PPM1F: variants seen among roughly 807,000 people sequenced by gnomAD.
PPM1F encodes the protein protein phosphatase 1F.
Under a neutral mutation model 35.5 loss-of-function variants are expected in PPM1F, and 17 were observed. That is an observed-to-expected ratio of 0.48 (90% CI 0.33 to 0.72). The LOEUF (loss-of-function observed/expected upper bound fraction) is 0.72, where lower values mean the gene tolerates loss of function less well. PPM1F is among the 30% of genes least tolerant of loss of function. The probability of loss-of-function intolerance (pLI) is 0.02; values close to 1 mark genes in which losing one functional copy is unlikely to be tolerated. For synonymous variants in PPM1F, 241 were observed against 255.5 expected, an observed-to-expected ratio of 0.94 and a Z score of 0.54; for missense variants, 521 against 613.0, an observed-to-expected ratio of 0.85 and a Z score of 1.59.
At position 21,933,420 on chromosome 22, in the gene PPM1F, G is replaced by C; in HGVS notation, c.718C>G (p.Gln240Glu). The C allele has an allele frequency of 6.2e-7, 1 of 1,612,012 alleles. No individual in the cohort carries two copies. Among genetic ancestry groups the C allele is most frequent in the Non-Finnish European group, 8.5e-7 (1 of 1,179,776 alleles). The change falls in exon 5 of 8, where the codon CAG becomes GAG. Residue 240 changes from glutamine to glutamate, a missense_variant. Physicochemically the swap from Gln to Glu is conservative, Grantham distance 29. Coordinates refer to ENST00000263212, the MANE Select transcript of PPM1F (RefSeq NM_014634.4). ...CGCTTGGCTTTCCTGAGAAACATCT[G>C]GTCGGTGCGCCGGAAGGCTTCTCTG... ...ALREAFRRTD[Q>E]MFLRKAKRER...
At chr22:21,951,352 T>G (rs1221266758) in intron 1 of PPM1F, 1 of 69,596 alleles carries the variant, frequency 1.4e-5, no homozygotes, top group East Asian at 4.3e-4. Context: ...TGGTATCCTT[T>G]TTTTTTTTTT....
rs1229812032 is a variant in PPM1F at position 21,922,911 on chromosome 22, G to C, written c.*181C>G. ...CCTTCCACCATCTGCCCGCCACCCAGTGCAGTTCCACAGCCACCAGGACGG... is the reference window on the plus strand; with the variant it reads ...CCTTCCACCATCTGCCCGCCACCCACTGCAGTTCCACAGCCACCAGGACGG... On this transcript the variant is annotated 3_prime_UTR_variant, in exon 8 of 8. Coordinates refer to ENST00000263212, the MANE Select transcript of PPM1F (RefSeq NM_014634.4). 1 of 763,202 alleles carries C rather than the reference G, an allele frequency of 1.3e-6. No individual in the cohort carries two copies. The highest frequency in any genetic ancestry group is 2.1e-6 in the Non-Finnish European group (1 of 466,906). The allele number at this position is 763,202 out of a possible 1,614,324, so 47.3% of individuals were successfully genotyped here.
In PPM1F at chr22:21,939,229, A is replaced by G. The variant is rs2070697460; in HGVS notation, c.355+303T>C. 1 of 376,624 alleles carries G rather than the reference A, an allele frequency of 2.7e-6. No homozygotes were observed. Among genetic ancestry groups the G allele is most frequent in the African/African-American group, 2.1e-5 (1 of 48,494 alleles). The allele number at this position is 376,624 out of a possible 1,614,324, so 23.3% of individuals were successfully genotyped here. ...CCTGTGAGATCCTCTGTGAAACGGGATAAGCATCTTTAATTTCCTGGGCTG... is the reference window on the plus strand; with the variant it reads ...CCTGTGAGATCCTCTGTGAAACGGGGTAAGCATCTTTAATTTCCTGGGCTG... On this transcript the variant is annotated intron_variant, in intron 3 of 7. Coordinates refer to ENST00000263212, the MANE Select transcript of PPM1F (RefSeq NM_014634.4). This position sits in a 1 kb window ranked among gnomAD's most constrained non-coding sequence, Gnocchi z 5.1.
At chr22:21,940,170 GTC>G (rs1340455138) in intron 2 of PPM1F, among the ~76,000 whole-genome samples, 4 of 152,138 alleles carry the variant, frequency 2.6e-5, no homozygotes, top group African/African-American at 9.7e-5. Flanking sequence ...AATGACTGAT[GTC>G]TCTATGAAAA....
chr22:21,941,651 G>A (rs2070726613), intron 2 of PPM1F: 2 of 152,434 alleles, frequency 1.3e-5, no homozygotes, highest in South Asian at 4.1e-4. Flanking sequence ...AGCAAAGTGG[G>A]GATGACTCCA....
rs183754287 is a variant in PPM1F, at chr22:21,925,796, G to A, written c.892-134C>T. Reference sequence around the variant, plus strand: ...AGCCGCAGCACTGGAACAAAGCCAGGAGGCTCAGAGATGCACCCAAACGAG... The same window carrying A: ...AGCCGCAGCACTGGAACAAAGCCAGAAGGCTCAGAGATGCACCCAAACGAG... On this transcript the variant is annotated intron_variant, in intron 6 of 7. Transcript: ENST00000263212. The A allele has an allele frequency of 8.2e-4, 504 of 613,394 alleles. No individual in the cohort carries two copies. In the African/African-American group the frequency reaches 8.5e-3, roughly 10 times the overall value. The allele number at this position is 613,394 out of a possible 1,614,324, so 38.0% of individuals were successfully genotyped here. A position where few individuals can be genotyped will look rare whatever the true frequency, so the allele number is the denominator to read the frequency against.
intron 3 of PPM1F, chr22:21,938,131 C>T (rs2070681496): frequency 7.7e-7 from 1 of 1,301,616 alleles, no homozygotes; most frequent in African/African-American, 1.5e-5. Context: ...CTGCGCCCTC[C>T]CTCCTTCCCA....
At chr22:21,928,013 TCATGAA>T (rs1278908269) in intron 6 of PPM1F, among the ~76,000 whole-genome samples, 2 of 136,730 alleles carry the variant, frequency 1.5e-5, no homozygotes, top group Non-Finnish European at 3.1e-5. Flanking sequence ...GAGTGCAGTG[TCATGAA>T]CATAGCTCAC....
chr22:21,932,753 T>C, intron 5 of PPM1F: 1 of 152,220 alleles, frequency 6.6e-6, no homozygotes. Flanking sequence ...CCAGAGGACG[T>C]CGGTAGCCTG....
intron 2 of PPM1F, chr22:21,944,298 T>C (rs529241253): frequency 6.6e-6 from 1 of 152,344 alleles, no homozygotes; most frequent in South Asian, 2.1e-4. Flanking sequence ...GCATAGCCCT[T>C]GCATGTGGCT....
Position 21,939,996 on chromosome 22 carries a change from C to T in PPM1F, c.207-316G>A, listed in dbSNP as rs1455967620. The stretch of plus-strand genomic sequence containing the variant: ...GAATCACCCATGCCAGCTGGGGACC[C>T]TGGGGGGTGGGGAGTGTTCTGGGTT... On this transcript the variant is annotated intron_variant, in intron 2 of 7. Transcript: ENST00000263212. This position sits in a 1 kb window ranked among gnomAD's most constrained non-coding sequence, Gnocchi z 5.1. 6.6e-6 allele frequency among the ~76,000 whole-genome samples: 1 copy of T among 152,160 alleles called. No individual in the cohort carries two copies. Among genetic ancestry groups the T allele is most frequent in the Non-Finnish European group, 1.5e-5 (1 of 68,000 alleles).
intron 6 of PPM1F, 82 bp downstream of exon 6, chr22:21,931,066 C>T: frequency 6.4e-7 from 1 of 1,566,460 alleles, no homozygotes; most frequent in Non-Finnish European, 8.7e-7. Flanking sequence ...CCTGAAGTTC[C>T]CAGGCTGGGT....
intron 4 of PPM1F, among the ~76,000 whole-genome samples, chr22:21,933,821 G>C (rs2145797742): frequency 6.6e-6 from 1 of 152,352 alleles, no homozygotes; most frequent in South Asian, 2.1e-4. Flanking sequence ...TGGTGCAGGA[G>C]TCAGGGGAAC....
chr22:21,935,416 G>T (rs1295107666), intron 3 of PPM1F: 3 of 152,192 alleles, frequency 2.0e-5, no homozygotes, highest in Non-Finnish European at 4.4e-5. Context: ...GAACTGCTCT[G>T]TATTTTGACC....
chr22:21,929,266 G>T (rs1351779903), intron 6 of PPM1F, among the ~76,000 whole-genome samples: 1 of 152,156 alleles, frequency 6.6e-6, no homozygotes, highest in African/African-American at 2.4e-5. Context: ...AAGGGGAGGT[G>T]GGGGGCACTG....
At position 21,923,131 on chromosome 22, in the gene PPM1F, G is replaced by GC. The variant is rs2070466538; in HGVS notation, c.1325dup (p.Ser442ArgfsTer6). 6.2e-7 allele frequency: 1 copy of GC among 1,612,812 alleles called. No individual in the cohort carries two copies. The highest frequency in any genetic ancestry group is 1.3e-5 in the African/African-American group (1 of 74,894). Reference sequence around the variant, plus strand: ...GAGCCTGGGTCTCAGGTTCTGGAAGGCTGGAGGGCAAGTCCTGCCTCCTCC... The same window carrying GC: ...GAGCCTGGGTCTCAGGTTCTGGAAGGCCTGGAGGGCAAGTCCTGCCTCCTCC... On this transcript the variant is annotated frameshift_variant, in exon 8 of 8. Transcript: ENST00000263212. LOFTEE classifies it high-confidence loss of function.
intron 6 of PPM1F, among the ~76,000 whole-genome samples, chr22:21,929,791 G>A (rs1000895411): frequency 1.3e-5 from 2 of 152,110 alleles, no homozygotes; most frequent in Non-Finnish European, 1.5e-5. Flanking sequence ...ACGTACAGGG[G>A]GCCCATACCA....
chr22:21,927,104 G>A (rs868846503), intron 6 of PPM1F, among the ~76,000 whole-genome samples: 1 of 152,216 alleles, frequency 6.6e-6, no homozygotes, highest in African/African-American at 2.4e-5. Context: ...AGCCATGAAG[G>A]GGGCAGGAAC....
At chr22:21,938,099 G>C in intron 3 of PPM1F, 4 of 1,294,072 alleles carry the variant, frequency 3.1e-6, no homozygotes, top group Non-Finnish European at 4.1e-6. Context: ...GGGAAGCAAG[G>C]GCAGGCGAGA....
Sources: allele counts gnomAD v4.1 joint callset (sites outside exome capture counted in the v4.1 genomes callset), GRCh38; gene constraint gnomAD v4.1.1; non-coding constraint Gnocchi (gnomAD v3.1); transcripts MANE v1.5; gene names NCBI Gene and HGNC (gene_info 2026-07-23, HGNC 2026-07-21).